Variants in OOEP observed in about 807,000 individuals in gnomAD.
OOEP encodes the protein oocyte expressed protein.
In OOEP, 16 loss-of-function variants were observed where a neutral mutation model predicts 13.7. The ratio of observed to expected loss-of-function variants is 1.16; its 90% CI spans 0.79 to 1.77. The LOEUF (loss-of-function observed/expected upper bound fraction) is 1.77. OOEP is among the 40% of genes most tolerant of loss of function. OOEP has a pLI of 0.00. For missense variants in OOEP, 195 were observed against 193.1 expected, an observed-to-expected ratio of 1.01 and a Z score of -0.06; for synonymous variants, 89 against 77.1, an observed-to-expected ratio of 1.15 and a Z score of -0.81.
At chr6:73,388,571 C>A (rs1355223756) in intron 2 of OOEP, among the ~76,000 whole-genome samples, 1 of 152,206 alleles carries the variant, frequency 6.6e-6, no homozygotes, top group South Asian at 2.1e-4. Flanking sequence ...CCCCTTCCTC[C>A]TGGGAACTGC....
At chr6:73,383,612 G>A (rs760254245) in intron 2 of OOEP, among the ~76,000 whole-genome samples, 2 of 152,142 alleles carry the variant, frequency 1.3e-5, no homozygotes, top group East Asian at 1.9e-4. Flanking sequence ...TCCAGCCTGG[G>A]TAACAGAGCA....
intron 2 of OOEP, among the ~76,000 whole-genome samples, chr6:73,381,912 C>T (rs1769214436): frequency 6.6e-6 from 1 of 152,080 alleles, no homozygotes; most frequent in African/African-American, 2.4e-5. Flanking sequence ...ACCCGGGAGG[C>T]AGAGGTTGCA....
intron 2 of OOEP, 114 bp downstream of exon 2, chr6:73,369,092 G>C: frequency 8.9e-7 from 1 of 1,121,548 alleles, no homozygotes; most frequent in South Asian, 1.6e-5. Flanking sequence ...TAGCTCCCTG[G>C]GGTCTGGAAA....
At chr6:73,374,626 T>C (rs1023240446), upstream of OOEP, among the ~76,000 whole-genome samples, 1 of 152,176 alleles carries the variant, frequency 6.6e-6, no homozygotes, top group African/African-American at 2.4e-5. Context: ...TTCACCATAT[T>C]GTCCAAGCTG....
chr6:73,383,177 C>T (rs1053077004), intron 2 of OOEP, among the ~76,000 whole-genome samples: 1 of 152,036 alleles, frequency 6.6e-6, no homozygotes, highest in Admixed American at 6.6e-5. Flanking sequence ...ACAAGCAGTT[C>T]GCCTAAAAGA....
At chr6:73,391,400 C>G (rs1365405875) in intron 2 of OOEP, 1 of 152,634 alleles carries the variant, frequency 6.6e-6, no homozygotes, top group Admixed American at 6.6e-5. Context: ...AGTATATTAT[C>G]AGGCAGTTCA....
chr6:73,380,492 C>T (rs1262936663), intron 2 of OOEP, among the ~76,000 whole-genome samples: 1 of 152,020 alleles, frequency 6.6e-6, no homozygotes, highest in East Asian at 1.9e-4. Flanking sequence ...TAAATTGCGG[C>T]AGATCCATAC....
chr6:73,369,535 G>A (rs1769011270), intron 1 of OOEP, 68 bp downstream of exon 1: 2 of 1,547,038 alleles, frequency 1.3e-6, no homozygotes, highest in Non-Finnish European at 1.8e-6. Flanking sequence ...AGACTGTAGA[G>A]AGCTGCTCTG....
intron 2 of OOEP, among the ~76,000 whole-genome samples, chr6:73,382,378 C>A (rs904445290): frequency 1.3e-5 from 2 of 151,804 alleles, no homozygotes; most frequent in Non-Finnish European, 2.9e-5. Flanking sequence ...CCACCATGCC[C>A]AGCTAATTTT....
chr6:73,385,707 C>T (rs1476413774), intron 2 of OOEP, among the ~76,000 whole-genome samples: 2 of 151,894 alleles, frequency 1.3e-5, no homozygotes, highest in Non-Finnish European at 2.9e-5. Context: ...CCTATCTCAG[C>T]CTCCTGAGTA....
At position 73,369,893 on chromosome 6, in the gene OOEP, G is replaced by C; in HGVS notation, c.-101C>G. On this transcript the variant is annotated 5_prime_UTR_variant, in exon 1 of 3. Coordinates refer to ENST00000370359, the MANE Select transcript of OOEP (RefSeq NM_001080507.3). ...GGCTCTCTTTTACCATATTCGACCC[G>C]CTCCGCCCCTTCCGGCGGCGCCTCG... The C allele has an allele frequency of 9.0e-7, 1 of 1,111,766 alleles. No homozygotes were observed. Among genetic ancestry groups the C allele is most frequent in the African/African-American group, 1.5e-5 (1 of 64,696 alleles). 68.9% of individuals were successfully genotyped at this position (1,111,766 alleles called of 1,614,324 possible).
At chr6:73,374,394 G>C (rs1041132164), upstream of OOEP, among the ~76,000 whole-genome samples, 1 of 152,002 alleles carries the variant, frequency 6.6e-6, no homozygotes, top group African/African-American at 2.4e-5. Context: ...GTGGTACAGA[G>C]CCAATCAGAT....
At position 73,369,869 on chromosome 6, in the gene OOEP, GCTCT is replaced by G. The variant is rs1233753993; in HGVS notation, c.-81_-78del. 1.1e-5 allele frequency: 15 copies of G among 1,391,072 alleles called. No homozygotes were observed. Among genetic ancestry groups the G allele is most frequent in the Non-Finnish European group, 1.3e-5 (13 of 1,005,556 alleles). The allele number at this position is 1,391,072 out of a possible 1,614,324, so 86.2% of individuals were successfully genotyped here. ...TTCCAGACCCAGGCGCGAAGCTCGG[GCTCT>G]CTTTTACCATATTCGACCCGCTCCG... On this transcript the variant is annotated 5_prime_UTR_variant, in exon 1 of 3. Coordinates refer to ENST00000370359, the MANE Select transcript of OOEP (RefSeq NM_001080507.3).
intron 2 of OOEP, among the ~76,000 whole-genome samples, chr6:73,389,733 A>C (rs942882254): frequency 6.6e-6 from 1 of 152,102 alleles, no homozygotes. Flanking sequence ...ATTAGGAGAT[A>C]TACCTAATGT....
At chr6:73,389,677 C>G (rs1313137938) in intron 2 of OOEP, among the ~76,000 whole-genome samples, 1 of 141,232 alleles carries the variant, frequency 7.1e-6, no homozygotes, top group African/African-American at 2.8e-5. Context: ...GGGAACATCA[C>G]ACACCGGGGA....
chr6:73,382,850 CTTTTTT>C (rs765716551), intron 2 of OOEP, among the ~76,000 whole-genome samples: 2 of 102,264 alleles, frequency 2.0e-5, no homozygotes, highest in African/African-American at 3.8e-5. Context: ...TGGTTTTTAA[CTTTTTT>C]TTTTTTTTTT....
At chr6:73,382,068 G>C (rs1474076376) in intron 2 of OOEP, among the ~76,000 whole-genome samples, 1 of 152,120 alleles carries the variant, frequency 6.6e-6, no homozygotes, top group African/African-American at 2.4e-5. Flanking sequence ...TTATTTTTGA[G>C]ATAGGGATTT....
exon 1 of OOEP, chr6:73,395,038 G>A (rs1324422588): frequency 6.2e-7 from 1 of 1,614,116 alleles, no homozygotes; most frequent in African/African-American, 1.3e-5. Context: ...GGGATATAGT[G>A]TCGGCAGAGG....
chr6:73,375,654 T>G (rs1769128700), intron 2 of OOEP, among the ~76,000 whole-genome samples: 1 of 149,670 alleles, frequency 6.7e-6, no homozygotes, highest in Non-Finnish European at 1.5e-5. Flanking sequence ...AATTAAGTTT[T>G]ATATAACTAT....
Sources: allele counts gnomAD v4.1 joint callset (sites outside exome capture counted in the v4.1 genomes callset), GRCh38; gene constraint gnomAD v4.1.1; transcripts MANE v1.5; gene names NCBI Gene and HGNC (gene_info 2026-07-23, HGNC 2026-07-21).